The following NTM variants were observed in gnomAD, a reference collection of about 807,000 sequenced individuals.
The protein encoded by NTM is neurotrimin.
Under a neutral mutation model 42.1 loss-of-function variants are expected in NTM, and 13 were observed. The ratio of observed to expected loss-of-function variants is 0.31; its 90% CI spans 0.20 to 0.49. The LOEUF (loss-of-function observed/expected upper bound fraction) is 0.49. NTM is among the 20% of genes least tolerant of loss of function. NTM has a pLI of 0.99. For missense variants in NTM, 373 were observed against 452.8 expected (o/e 0.82, Z 1.60); for synonymous variants, 187 against 179.2 (o/e 1.04, Z -0.35).
intron 1 of NTM, among the ~76,000 whole-genome samples, chr11:131,645,903 G>A (rs2065720350): frequency 6.6e-6 from 1 of 152,188 alleles, no homozygotes; most frequent in Non-Finnish European, 1.5e-5. Context: ...CGTTCATGAC[G>A]TTTGGCTTTT....
At chr11:132,318,301 A>G (rs1226697285) in intron 7 of NTM, among the ~76,000 whole-genome samples, 1 of 152,110 alleles carries the variant, frequency 6.6e-6, no homozygotes, top group African/African-American at 2.4e-5. Context: ...AATACAGTTG[A>G]TCTACCTTAT....
intron 7 of NTM, among the ~76,000 whole-genome samples, chr11:132,324,951 A>G (rs1239668066): frequency 6.6e-6 from 1 of 151,602 alleles, no homozygotes; most frequent in East Asian, 1.9e-4. Context: ...TGGTGCTGGG[A>G]AAACTGGCTA....
rs1359211310 is a variant in NTM, at chr11:131,388,963, G to A, written c.82+18075G>A. ...GCAGGCAGAGGTTGCAGTGAGACAA[G>A]ATCATGCCAATGCACTCCAGCCTGG... On this transcript the variant is annotated intron_variant, in intron 1 of 8. Coordinates refer to ENST00000683400, the MANE Select transcript of NTM (RefSeq NM_001352005.2). Among the ~76,000 whole-genome samples the A allele has an allele frequency of 1.3e-4, 17 of 135,316 alleles. No homozygotes were observed. In the Admixed American group the frequency reaches 1.5e-3, roughly 12 times the overall value. The allele number at this position is 135,316 out of a possible 152,430, so 88.8% of individuals were successfully genotyped here. A position where few individuals can be genotyped will look rare whatever the true frequency, so the allele number is the denominator to read the frequency against.
chr11:132,249,133 C>T (rs1475850536), intron 4 of NTM, among the ~76,000 whole-genome samples: 2 of 152,214 alleles, frequency 1.3e-5, no homozygotes, highest in Non-Finnish European at 2.9e-5. Context: ...TCTCTCCAAG[C>T]TCTCTCCAGA....
chr11:132,283,943 G>T (rs376832965), intron 4 of NTM, among the ~76,000 whole-genome samples: 2 of 152,058 alleles, frequency 1.3e-5, no homozygotes, highest in African/African-American at 2.4e-5. Flanking sequence ...CCTCCATCCC[G>T]CCCTTTTCCT....
At chr11:131,487,756 A>C (rs1954339344) in intron 1 of NTM, among the ~76,000 whole-genome samples, 2 of 152,048 alleles carry the variant, frequency 1.3e-5, no homozygotes, top group African/African-American at 4.8e-5. Flanking sequence ...GGAAGGGATA[A>C]TGTTTTGGAG....
intron 2 of NTM, among the ~76,000 whole-genome samples, chr11:132,034,360 C>T (rs2076263102): frequency 6.6e-6 from 1 of 152,230 alleles, no homozygotes; most frequent in Admixed American, 6.5e-5. Flanking sequence ...CGATTTGCTT[C>T]ACCCGTCTCA....
rs76309126 is a variant in NTM, at chr11:131,458,732, C to T, written c.82+87844C>T. Among the ~76,000 whole-genome samples, 1,233 of 152,324 alleles carry T rather than the reference C, an allele frequency of 8.1e-3. 17 individuals are homozygous for T. Among genetic ancestry groups the T allele is most frequent in the African/African-American group, 0.028 (1,180 of 41,558 alleles). ...TTGAGAGTAGTTACCAATCTCAGGC[C>T]ACCCATTCCCAGGGCTGTCTAAACT... is the stretch of plus-strand genomic sequence containing the variant. On this transcript the variant is annotated intron_variant, in intron 1 of 8. Coordinates refer to ENST00000683400, the MANE Select transcript of NTM (RefSeq NM_001352005.2).
intron 2 of NTM, among the ~76,000 whole-genome samples, chr11:132,010,589 C>T (rs1370508313): frequency 6.7e-6 from 1 of 148,230 alleles, no homozygotes; most frequent in Non-Finnish European, 1.5e-5. Flanking sequence ...GCATTTGAAG[C>T]TCTTTATTAA....
chr11:132,314,154 G>GCATGGTTGTCATCATCACCATCACCATCA, intron 6 of NTM, among the ~76,000 whole-genome samples: 1 of 152,132 alleles, frequency 6.6e-6, no homozygotes, highest in East Asian at 1.9e-4. Flanking sequence ...TTTTTCATTT[G>GCATGGTTGTCATCATCACCATCACCATCA]CATGGTTGTC....
At chr11:132,334,883 G>A in intron 8 of NTM, 163 bp from the exon 9 acceptor site, 1 of 701,826 alleles carries the variant, frequency 1.4e-6, no homozygotes, top group Non-Finnish European at 1.7e-6. Flanking sequence ...GGGGATGTGG[G>A]CCATAGAACG....
intron 1 of NTM, among the ~76,000 whole-genome samples, chr11:131,533,639 T>C (rs1165227521): frequency 6.6e-6 from 1 of 152,134 alleles, no homozygotes; most frequent in African/African-American, 2.4e-5. Context: ...TTCTGTGAAA[T>C]GGGGGCAGGA....
chr11:131,489,199 T>G (rs771864504), intron 1 of NTM, among the ~76,000 whole-genome samples: 29 of 152,198 alleles, frequency 1.9e-4, no homozygotes, highest in Middle Eastern at 3.2e-3. Context: ...CTGGCCTCTT[T>G]GCTATGCCCT....
chr11:132,204,826 A>C (rs891040513), intron 3 of NTM, among the ~76,000 whole-genome samples: 1 of 152,178 alleles, frequency 6.6e-6, no homozygotes, highest in Non-Finnish European at 1.5e-5. Context: ...CCACAGCCTG[A>C]ATCCCACCTG....
At chr11:131,560,843 T>A (rs2056130986) in intron 1 of NTM, among the ~76,000 whole-genome samples, 1 of 152,196 alleles carries the variant, frequency 6.6e-6, no homozygotes, top group African/African-American at 2.4e-5. Context: ...CTCATAAATA[T>A]GAAGTTGAAA....
At chr11:132,019,635 A>C (rs1009583486) in intron 2 of NTM, among the ~76,000 whole-genome samples, 4 of 151,922 alleles carry the variant, frequency 2.6e-5, no homozygotes, top group Non-Finnish European at 4.4e-5. Flanking sequence ...TTTCCTTTCC[A>C]ATTTACATGC....
chr11:132,173,397 A>G (rs944154417), intron 3 of NTM, among the ~76,000 whole-genome samples: 1 of 152,170 alleles, frequency 6.6e-6, no homozygotes, highest in Non-Finnish European at 1.5e-5. Flanking sequence ...CTGGCTCTGA[A>G]CGTCATGCTT....
chr11:131,650,452 C>T (rs537091996), intron 1 of NTM, among the ~76,000 whole-genome samples: 1 of 152,306 alleles, frequency 6.6e-6, no homozygotes, highest in Admixed American at 6.5e-5. Context: ...GCTCCTCATT[C>T]TTTGCCAGAG....
intron 1 of NTM, among the ~76,000 whole-genome samples, chr11:131,822,363 G>A (rs947548030): frequency 6.6e-6 from 1 of 152,114 alleles, no homozygotes; most frequent in Admixed American, 6.5e-5. Context: ...GGAAGGAATA[G>A]AATTGTTAAA....
Sources: gnomAD v4.1 joint callset for allele counts (sites outside exome capture counted in the v4.1 genomes callset) on GRCh38, gnomAD v4.1.1 for gene constraint, MANE v1.5 for transcripts, NCBI Gene and HGNC (gene_info 2026-07-23, HGNC 2026-07-21) for gene names.